The following MTHFD1 variants were observed in gnomAD, a reference collection of about 807,000 sequenced individuals.
MTHFD1 encodes methylenetetrahydrofolate dehydrogenase, cyclohydrolase and formyltetrahydrofolate synthetase 1.
In MTHFD1, 44 loss-of-function variants were observed where a neutral mutation model predicts 110.3. That is an observed-to-expected ratio of 0.40 (90% CI 0.31 to 0.51). The LOEUF (loss-of-function observed/expected upper bound fraction) is 0.51. Among genes scored for constraint, MTHFD1 ranks in the 20% least tolerant of loss-of-function variants. The probability of loss-of-function intolerance (pLI) is 0.60; values close to 1 mark genes in which losing one functional copy is unlikely to be tolerated. For synonymous variants in MTHFD1, 402 were observed against 428.8 expected (o/e 0.94, Z 0.77); for missense variants, 909 against 1,173.1 (o/e 0.77, Z 3.29).
At chr14:64,398,538 C>T (rs577943932) in intron 1 of MTHFD1, among the ~76,000 whole-genome samples, 1 of 152,142 alleles carries the variant, frequency 6.6e-6, no homozygotes, top group Non-Finnish European at 1.5e-5. Context: ...TAGAGCCAGA[C>T]CCTGTCTCAA....
At chr14:64,455,423 G>C (rs1193731833) in intron 26 of MTHFD1, among the ~76,000 whole-genome samples, 1 of 152,138 alleles carries the variant, frequency 6.6e-6, no homozygotes, top group Non-Finnish European at 1.5e-5. Flanking sequence ...GGTGTCCATT[G>C]CTTTCTTATC....
At chr14:64,407,544 C>CTTTTTTTTTTTTTTTTTTTTTT (rs1252450612) in intron 2 of MTHFD1, among the ~76,000 whole-genome samples, 1 of 65,044 alleles carries the variant, frequency 1.5e-5, no homozygotes. Flanking sequence ...CTCACTCTCT[C>CTTTTTTTTTTTTTTTTTTTTTT]TCTTTTTTTT....
chr14:64,408,681 G>A (rs2077958251), intron 2 of MTHFD1, among the ~76,000 whole-genome samples: 1 of 152,186 alleles, frequency 6.6e-6, no homozygotes, highest in Admixed American at 6.5e-5. Context: ...CTGGCCAAGT[G>A]TGGTGGCTCA....
chr14:64,445,834 T>A (rs1234520643), intron 22 of MTHFD1, among the ~76,000 whole-genome samples: 1 of 152,218 alleles, frequency 6.6e-6, no homozygotes, highest in East Asian at 1.9e-4. Flanking sequence ...AAACTGTTCT[T>A]GATCAGCGTT....
At chr14:64,456,029 GTGT>G (rs2078467429) in intron 26 of MTHFD1, among the ~76,000 whole-genome samples, 2 of 152,218 alleles carry the variant, frequency 1.3e-5, no homozygotes, top group Non-Finnish European at 2.9e-5. Context: ...GCAGAAATAT[GTGT>G]TGTTCTTTTT....
chr14:64,455,840 A>G (rs766552674), intron 26 of MTHFD1, among the ~76,000 whole-genome samples: 4 of 152,226 alleles, frequency 2.6e-5, no homozygotes, highest in Non-Finnish European at 5.9e-5. Context: ...CTCACACTGT[A>G]GGCAACATCA....
chr14:64,402,395 A>C (rs2077904550), intron 2 of MTHFD1, among the ~76,000 whole-genome samples: 1 of 152,350 alleles, frequency 6.6e-6, no homozygotes, highest in African/African-American at 2.4e-5. Flanking sequence ...GGGGTGGATA[A>C]AAAATTTTAA....
At chr14:64,458,372 C>A in intron 27 of MTHFD1, 65 bp downstream of exon 27, 2 of 1,008,586 alleles carry the variant, frequency 2.0e-6, no homozygotes, top group Non-Finnish European at 3.2e-6. Context: ...AATTATAGGG[C>A]TCAAACTGAC....
At chr14:64,447,089 C>T (rs917960049) in intron 22 of MTHFD1, among the ~76,000 whole-genome samples, 2 of 151,772 alleles carry the variant, frequency 1.3e-5, no homozygotes, top group Admixed American at 6.6e-5. Context: ...AGTGATCCTC[C>T]GATCTCAGCC....
intron 8 of MTHFD1, among the ~76,000 whole-genome samples, chr14:64,420,903 G>A (rs1393111141): frequency 6.6e-6 from 1 of 152,096 alleles, no homozygotes. Flanking sequence ...TTAGTGGAGT[G>A]GGCTACTCTT....
At chr14:64,414,847 A>AAT in intron 4 of MTHFD1, among the ~76,000 whole-genome samples, 1 of 151,446 alleles carries the variant, frequency 6.6e-6, no homozygotes, top group East Asian at 2.0e-4. Context: ...GTGCCACCAC[A>AAT]CCTGGCTAAT....
intron 22 of MTHFD1, among the ~76,000 whole-genome samples, chr14:64,447,454 C>CTTTTTT (rs34013579): frequency 1.6e-5 from 2 of 127,038 alleles, no homozygotes; most frequent in Non-Finnish European, 1.6e-5. Context: ...AGGTCCGGCC[C>CTTTTTT]TTTTTTTTTT....
At chr14:64,446,963 C>T (rs1596555300) in intron 22 of MTHFD1, among the ~76,000 whole-genome samples, 1 of 152,160 alleles carries the variant, frequency 6.6e-6, no homozygotes, top group Non-Finnish European at 1.5e-5. Context: ...CTTCAACCTC[C>T]CAACTAGCTG....
At chr14:64,397,587 C>T (rs2077868341) in intron 1 of MTHFD1, among the ~76,000 whole-genome samples, 1 of 152,082 alleles carries the variant, frequency 6.6e-6, no homozygotes, top group Non-Finnish European at 1.5e-5. Context: ...GCCATCATGC[C>T]CGGCCCGAAG....
intron 23 of MTHFD1, 32 bp downstream of exon 23, chr14:64,448,349 T>C (rs1218392037): frequency 2.0e-6 from 3 of 1,505,438 alleles, no homozygotes; most frequent in South Asian, 1.1e-5. Context: ...AAAGGATGAA[T>C]GTGGAAAATC....
intron 24 of MTHFD1, among the ~76,000 whole-genome samples, chr14:64,450,833 G>A (rs2078358999): frequency 7.0e-6 from 1 of 143,632 alleles, no homozygotes; most frequent in Admixed American, 6.7e-5. Flanking sequence ...TCAGCCCCCT[G>A]AGTAGGTGGG....
rs988951331 is a variant in MTHFD1 at position 64,425,756 on chromosome 14, C to T, written c.882C>T (p.Phe294=). The T allele has an allele frequency of 6.2e-7, 1 of 1,613,070 alleles. No individual in the cohort carries two copies. Among genetic ancestry groups the T allele is most frequent in the Non-Finnish European group, 8.5e-7 (1 of 1,179,954 alleles). The change falls in exon 10 of 28, where the codon TTC becomes TTT. Residue 294 remains phenylalanine, a synonymous_variant. Coordinates refer to ENST00000652337, the MANE Select transcript of MTHFD1 (RefSeq NM_005956.4). ...MQSTVESAKR[F]LEKFKPGKWM... is the part of the protein sequence containing the mutation. ...GCACAGTAGAGAGTGCCAAGCGTTT[C>T]CTGGAGAAATTTAAGCCAGGAAAGT...
At chr14:64,448,093 TC>T in intron 22 of MTHFD1, 123 bp from the exon 23 acceptor site, 1 of 739,832 alleles carries the variant, frequency 1.4e-6, no homozygotes, top group Non-Finnish European at 2.4e-6. Context: ...CTCTCTTCTT[TC>T]TTGGCCTCCT....
intron 8 of MTHFD1, among the ~76,000 whole-genome samples, chr14:64,423,373 CT>C (rs1278700021): frequency 1.3e-5 from 2 of 152,086 alleles, no homozygotes; most frequent in Non-Finnish European, 2.9e-5. Flanking sequence ...GCATTTTGGA[CT>C]TCAGATTAAT....
Sources: allele counts gnomAD v4.1 joint callset (sites outside exome capture counted in the v4.1 genomes callset), GRCh38; gene constraint gnomAD v4.1.1; transcripts MANE v1.5; gene names NCBI Gene and HGNC (gene_info 2026-07-23, HGNC 2026-07-21).